The following CSMD1 variants were observed in gnomAD, a reference collection of about 807,000 sequenced individuals.
CSMD1 encodes CUB and Sushi multiple domains 1, also known as CUB and sushi domain-containing protein 1.
In CSMD1, 213 loss-of-function variants were observed where a neutral mutation model predicts 417.5. That is an observed-to-expected ratio of 0.51 (90% CI 0.46 to 0.57). The LOEUF is 0.57. Among genes scored for constraint, CSMD1 ranks in the 20% least tolerant of loss-of-function variants. The pLI, the probability that CSMD1 is intolerant of heterozygous loss-of-function variation, is 0.00. For synonymous variants in CSMD1, 2,862 were observed against 1,736.8 expected (o/e 1.65, Z -16.11); for missense variants, 6,923 against 4,529.7 (o/e 1.53, Z -15.17).
In CSMD1 at chr8:4,787,431, C is replaced by T. The variant is rs1257874865; in HGVS notation, c.86-149873G>A. On this transcript the variant is annotated intron_variant, in intron 1 of 69. Transcript: ENST00000635120. ...CTCCTGCAGTCCAAGGACAAGATTA[C>T]AGCAGGAAATGTAGCTAGAAAGAAT... The T allele has an allele frequency of 5.3e-6, 4 of 755,816 alleles. No individual in the cohort carries two copies. In the South Asian group the frequency reaches 5.9e-5, roughly 11 times the overall value. 46.8% of individuals were successfully genotyped at this position (755,816 alleles called of 1,614,324 possible). A position where few individuals can be genotyped will look rare whatever the true frequency, so the allele number is the denominator to read the frequency against.
intron 2 of CSMD1, among the ~76,000 whole-genome samples, chr8:4,615,574 G>A (rs975870486): frequency 6.6e-6 from 1 of 152,146 alleles, no homozygotes; most frequent in Non-Finnish European, 1.5e-5. Flanking sequence ...TTCATACTAT[G>A]AGGATAAACA....
chr8:4,023,733 C>G (rs533451257), intron 4 of CSMD1, among the ~76,000 whole-genome samples: 1 of 148,942 alleles, frequency 6.7e-6, no homozygotes, highest in African/African-American at 2.5e-5. Context: ...ACTACAAGCG[C>G]CCACCGCTAC....
At chr8:3,727,933 G>C (rs1039316641) in intron 6 of CSMD1, among the ~76,000 whole-genome samples, 2 of 152,180 alleles carry the variant, frequency 1.3e-5, no homozygotes, top group African/African-American at 4.8e-5. Context: ...GAGCGGCAGG[G>C]AGGAGGGGGT....
chr8:3,817,385 ATTC>A (rs1801445448), intron 5 of CSMD1, among the ~76,000 whole-genome samples: 1 of 141,886 alleles, frequency 7.0e-6, no homozygotes, highest in Non-Finnish European at 1.5e-5. Flanking sequence ...GGTTCAAGTT[ATTC>A]TTCTGCCTCA....
intron 5 of CSMD1, among the ~76,000 whole-genome samples, chr8:3,876,476 GA>G (rs1358090807): frequency 1.3e-5 from 2 of 152,154 alleles, no homozygotes; most frequent in African/African-American, 4.8e-5. Context: ...AGTCCTAACA[GA>G]ATTGATAAAA....
intron 5 of CSMD1, among the ~76,000 whole-genome samples, chr8:3,865,537 T>C (rs1805029419): frequency 6.6e-6 from 1 of 151,502 alleles, no homozygotes; most frequent in Non-Finnish European, 1.5e-5. Flanking sequence ...GTGGAGGCAA[T>C]GAGGGACCAA....
intron 3 of CSMD1, among the ~76,000 whole-genome samples, chr8:4,199,625 T>G (rs1020960783): frequency 7.9e-5 from 12 of 152,176 alleles, no homozygotes; most frequent in Admixed American, 5.9e-4. Flanking sequence ...GCATTTTGCT[T>G]TGCATAAATA....
At chr8:4,298,921 CAT>C (rs1203082697) in intron 3 of CSMD1, among the ~76,000 whole-genome samples, 2 of 151,850 alleles carry the variant, frequency 1.3e-5, no homozygotes, top group Non-Finnish European at 2.9e-5. Context: ...TATATACACA[CAT>C]AAATACATAA....
At chr8:3,671,324 G>C (rs1030751146) in intron 7 of CSMD1, among the ~76,000 whole-genome samples, 4 of 147,968 alleles carry the variant, frequency 2.7e-5, no homozygotes, top group Non-Finnish European at 6.0e-5. Flanking sequence ...CATTAGTTAT[G>C]TGGAAATTAT....
At chr8:3,920,350 CGTGTGTGTTTGT>C (rs1809150620) in intron 5 of CSMD1, among the ~76,000 whole-genome samples, 3 of 123,468 alleles carry the variant, frequency 2.4e-5, no homozygotes, top group Admixed American at 2.2e-4. Flanking sequence ...TTCTAAGATG[CGTGTGTGTTTGT>C]GTGTGTGTGT....
intron 3 of CSMD1, among the ~76,000 whole-genome samples, chr8:4,252,318 A>G (rs1020036233): frequency 6.6e-6 from 1 of 152,206 alleles, no homozygotes. Flanking sequence ...TGTGCAACAC[A>G]TATCTCTACA....
chr8:3,788,717 T>G (rs778885706), intron 5 of CSMD1, among the ~76,000 whole-genome samples: 1 of 152,194 alleles, frequency 6.6e-6, no homozygotes, highest in African/African-American at 2.4e-5. Context: ...AAGTAGCCAT[T>G]CAGAGATTAG....
At chr8:4,624,063 T>C (rs920247963) in intron 2 of CSMD1, among the ~76,000 whole-genome samples, 1 of 152,158 alleles carries the variant, frequency 6.6e-6, no homozygotes, top group African/African-American at 2.4e-5. Context: ...TGACTATCTC[T>C]AGCTCTTGCG....
intron 1 of CSMD1, among the ~76,000 whole-genome samples, chr8:4,887,103 A>G (rs2407673): frequency 0.98 from 148,558 of 152,114 alleles, 72,558 homozygotes; most frequent in East Asian, 1. Context: ...TTTATATATA[A>G]ACATTTACAG....
intron 3 of CSMD1, among the ~76,000 whole-genome samples, chr8:4,218,590 T>C (rs532473985): frequency 3.9e-5 from 6 of 152,316 alleles, no homozygotes; most frequent in Admixed American, 2.0e-4. Context: ...ATGATTAATT[T>C]TACAGTTGCT....
At chr8:3,850,654 C>T (rs944033870) in intron 5 of CSMD1, among the ~76,000 whole-genome samples, 1 of 152,090 alleles carries the variant, frequency 6.6e-6, no homozygotes, top group Non-Finnish European at 1.5e-5. Flanking sequence ...AAGATCGCAC[C>T]ACTGCACTCC....
At chr8:4,403,675 C>G (rs557213054) in intron 3 of CSMD1, among the ~76,000 whole-genome samples, 1 of 152,236 alleles carries the variant, frequency 6.6e-6, no homozygotes, top group East Asian at 1.9e-4. Flanking sequence ...AGTCTAACCC[C>G]TAGAGTAACC....
At chr8:4,303,422 G>GTTTTTTTTTTTTTTTTTTTTT (rs71511194) in intron 3 of CSMD1, among the ~76,000 whole-genome samples, 1 of 85,216 alleles carries the variant, frequency 1.2e-5, no homozygotes, top group African/African-American at 4.8e-5. Context: ...GCAGGAAGCT[G>GTTTTTTTTTTTTTTTTTTTTT]TTTTTTTTTT....
chr8:4,397,131 C>G (rs530015844), intron 3 of CSMD1, among the ~76,000 whole-genome samples: 4 of 152,274 alleles, frequency 2.6e-5, no homozygotes, highest in African/African-American at 7.2e-5. Context: ...CACGCCATCA[C>G]ATGGTCGAGC....
Sources: gnomAD v4.1 joint callset for allele counts (sites outside exome capture counted in the v4.1 genomes callset) on GRCh38, gnomAD v4.1.1 for gene constraint, MANE v1.5 for transcripts, NCBI Gene and HGNC (gene_info 2026-07-23, HGNC 2026-07-21) for gene names.